The following TSTD2 variants were observed in gnomAD, a reference collection of about 807,000 sequenced individuals.
TSTD2 encodes the protein thiosulfate sulfurtransferase/rhodanese-like domain-containing protein 2.
A neutral mutation model predicts 47.9 loss-of-function variants in TSTD2; 37 were observed. The observed-to-expected ratio is 0.77, with a 90% CI of 0.59 to 1.02. TSTD2 has a LOEUF of 1.02. TSTD2 is among the 50% of genes least tolerant of loss of function. The probability of loss-of-function intolerance (pLI) is 0.00; values close to 1 mark genes in which losing one functional copy is unlikely to be tolerated. For synonymous variants in TSTD2, 201 were observed against 215.9 expected, an observed-to-expected ratio of 0.93 and a Z score of 0.61; for missense variants, 586 against 616.0, an observed-to-expected ratio of 0.95 and a Z score of 0.52.
chr9:97,610,269 C>T lies in TSTD2; in HGVS notation c.835+77G>A, dbSNP rs753800246. On this transcript the variant is annotated intron_variant, in intron 6 of 9. Coordinates refer to ENST00000341170, the MANE Select transcript of TSTD2 (RefSeq NM_139246.5). ...GAGGACTCATGACTGCTGCTGATCA[C>T]AGTGCCTAGCTTTCTTATTTGTCTA... 6.1e-6 allele frequency: 8 copies of T among 1,315,944 alleles called. No individual in the cohort carries two copies. In the Middle Eastern group the frequency reaches 5.6e-4, roughly 93 times the overall value. 81.5% of individuals were successfully genotyped at this position (1,315,944 alleles called of 1,614,324 possible).
chr9:97,631,185 C>T (rs780849565), intron 1 of TSTD2, among the ~76,000 whole-genome samples: 1 of 152,056 alleles, frequency 6.6e-6, no homozygotes, highest in Non-Finnish European at 1.5e-5. Context: ...GGGGTGATCT[C>T]GGCTCACTGC....
chr9:97,611,196 G>A lies in TSTD2; in HGVS notation c.729+378C>T, dbSNP rs73554626. ...TCACGTCCATATCTCAGCACTATAGGAGGCTGACGTGGGAGGACTGCTTGA... is the reference window on the plus strand; with the variant it reads ...TCACGTCCATATCTCAGCACTATAGAAGGCTGACGTGGGAGGACTGCTTGA... On this transcript the variant is annotated intron_variant, in intron 5 of 9. Transcript: ENST00000341170. The A allele has an allele frequency of 9.0e-3, 1,551 of 172,384 alleles. 25 individuals are homozygous for A. The highest frequency in any genetic ancestry group is 0.035 in the African/African-American group (1,483 of 42,242). The allele number at this position is 172,384 out of a possible 1,614,324, so 10.7% of individuals were successfully genotyped here. A position where few individuals can be genotyped will look rare whatever the true frequency, so the allele number is the denominator to read the frequency against.
At position 97,613,884 on chromosome 9, in the gene TSTD2, A is replaced by C. The variant is rs1826499460; in HGVS notation, c.604-2185T>G. 2.8e-5 allele frequency among the ~76,000 whole-genome samples: 4 copies of C among 143,818 alleles called. No homozygotes were observed. In the South Asian group the frequency reaches 8.6e-4, roughly 31 times the overall value. The allele number at this position is 143,818 out of a possible 152,430, so 94.4% of individuals were successfully genotyped here. A position where few individuals can be genotyped will look rare whatever the true frequency, so the allele number is the denominator to read the frequency against. On this transcript the variant is annotated intron_variant, in intron 4 of 9. Coordinates refer to ENST00000341170, the MANE Select transcript of TSTD2 (RefSeq NM_139246.5). Reference sequence around the variant, plus strand: ...CGCTGTGTCGCCCAGACTGCAGTGCAGTGGTGCAATCTCGGCTCACTGCAA... The same window carrying C: ...CGCTGTGTCGCCCAGACTGCAGTGCCGTGGTGCAATCTCGGCTCACTGCAA...
At chr9:97,611,875 CT>C (rs1236217423) in intron 4 of TSTD2, among the ~76,000 whole-genome samples, 176 bp from the exon 5 acceptor site, 1 of 152,170 alleles carries the variant, frequency 6.6e-6, no homozygotes, top group Non-Finnish European at 1.5e-5. Flanking sequence ...TTATTTTAAA[CT>C]TTTAAGTCCA....
In TSTD2 at chr9:97,617,622, A is replaced by G. The variant is rs1409836857; in HGVS notation, c.603+135T>C. The G allele has an allele frequency of 2.6e-6, 3 of 1,167,986 alleles. No homozygotes were observed. In the African/African-American group the frequency reaches 4.6e-5, roughly 18 times the overall value. The allele number at this position is 1,167,986 out of a possible 1,614,324, so 72.4% of individuals were successfully genotyped here. ...TTAATGGCTGCCTAATATTCTACTT[A>G]AATGCTCAGCAGAATTTCCCTAACT... On this transcript the variant is annotated intron_variant, in intron 4 of 9. Coordinates refer to ENST00000341170, the MANE Select transcript of TSTD2 (RefSeq NM_139246.5).
chr9:97,615,081 A>G (rs1826523173), intron 4 of TSTD2, among the ~76,000 whole-genome samples: 2 of 152,128 alleles, frequency 1.3e-5, no homozygotes, highest in Admixed American at 1.3e-4. Context: ...ATTCTTTTCT[A>G]ATTTATTTTA....
chr9:97,621,426 A>AG, intron 3 of TSTD2, among the ~76,000 whole-genome samples: 1 of 152,228 alleles, frequency 6.6e-6, no homozygotes, highest in South Asian at 2.1e-4. Context: ...AGCCATGTTC[A>AG]GGGCACAAGG....
chr9:97,604,730 ACAC>A lies in TSTD2; in HGVS notation c.1246_1248del (p.Val416del). On this transcript the variant is annotated inframe_deletion, in exon 9 of 10. Transcript: ENST00000341170. ...CTCTGAGCCTGTGCTGACCTACCTG[ACAC>A]CACATCACTGTTGTAGGACAGAGCA... 6.2e-7 allele frequency: 1 copy of A among 1,614,184 alleles called. No individual in the cohort carries two copies. Among genetic ancestry groups the A allele is most frequent in the Non-Finnish European group, 8.5e-7 (1 of 1,180,002 alleles).
At position 97,600,128 on chromosome 9, in the gene TSTD2, T is replaced by G; in HGVS notation, c.*2341A>C. ...CTTTATTACAAATTTGTCTTAGCTA[T>G]TAGCAAATAAAACTGATTATCATTC... On this transcript the variant is annotated 3_prime_UTR_variant, in exon 10 of 10. Transcript: ENST00000341170. 1.0e-6 allele frequency: 1 copy of G among 1,004,622 alleles called. No homozygotes were observed. The highest frequency in any genetic ancestry group is 1.2e-6 in the Non-Finnish European group (1 of 839,558). 62.2% of individuals were successfully genotyped at this position (1,004,622 alleles called of 1,614,324 possible).
chr9:97,604,463 G>A, intron 9 of TSTD2: 1 of 407,896 alleles, frequency 2.5e-6, no homozygotes, highest in Non-Finnish European at 4.4e-6. Flanking sequence ...CAGGCAGGCA[G>A]GGCAGGTGAG....
At chr9:97,616,929 G>T (rs1826552387) in intron 4 of TSTD2, among the ~76,000 whole-genome samples, 1 of 152,180 alleles carries the variant, frequency 6.6e-6, no homozygotes, top group African/African-American at 2.4e-5. Context: ...TGCACTTCTG[G>T]TTTTGTCATG....
In TSTD2 at chr9:97,600,956, CAAA is replaced by C. The variant is rs1564004271; in HGVS notation, c.*1510_*1512del. On this transcript the variant is annotated 3_prime_UTR_variant, in exon 10 of 10. Coordinates refer to ENST00000341170, the MANE Select transcript of TSTD2 (RefSeq NM_139246.5). ...GAGTTATTTTCATTAGTGATTTCAGCAAATCTCATGATAAAGGACAAGGTCAAG... is the reference window on the plus strand; with the variant it reads ...GAGTTATTTTCATTAGTGATTTCAGCTCTCATGATAAAGGACAAGGTCAAG... The C allele has an allele frequency of 8.8e-7, 1 of 1,138,628 alleles. No individual in the cohort carries two copies. The highest frequency in any genetic ancestry group is 1.1e-6 in the Non-Finnish European group (1 of 904,112). The allele number at this position is 1,138,628 out of a possible 1,614,324, so 70.5% of individuals were successfully genotyped here.
At chr9:97,603,318 G>T (rs1463160575) in intron 9 of TSTD2, among the ~76,000 whole-genome samples, 1 of 152,152 alleles carries the variant, frequency 6.6e-6, no homozygotes, top group African/African-American at 2.4e-5. Context: ...ATGACCTCCT[G>T]TTACTATTGA....
intron 3 of TSTD2, among the ~76,000 whole-genome samples, chr9:97,622,413 T>C (rs1826654511): frequency 6.6e-6 from 1 of 152,206 alleles, no homozygotes; most frequent in Admixed American, 6.5e-5. Flanking sequence ...AGGCAGAAGT[T>C]TGCTGCAGGG....
chr9:97,618,678 T>C (rs180851578), intron 3 of TSTD2, among the ~76,000 whole-genome samples: 180 of 152,268 alleles, frequency 1.2e-3, no homozygotes, highest in African/African-American at 4.1e-3. Flanking sequence ...TTAATACCCC[T>C]TTTTTCAATA....
intron 4 of TSTD2, among the ~76,000 whole-genome samples, chr9:97,616,560 A>C (rs1309128208): frequency 6.6e-6 from 1 of 152,182 alleles, no homozygotes; most frequent in Non-Finnish European, 1.5e-5. Flanking sequence ...GAACGGAATT[A>C]AGGAATATTT....
chr9:97,625,889 T>G lies in TSTD2; in HGVS notation c.274A>C (p.Ile92Leu), dbSNP rs1335214689. Reference protein sequence around the residue: ...CRQLFTDQTSIHRHVATQHAD... With the variant: ...CRQLFTDQTSLHRHVATQHAD... ...TGTTGTGTTGCCACATGTCTATGGA[T>G]GCTGGTTTGGTCTGTGAATAGCTGC... is the stretch of plus-strand genomic sequence containing the variant. The change falls in exon 3 of 10, where the codon ATC becomes CTC. Residue 92 changes from isoleucine to leucine, a missense_variant. Coordinates refer to ENST00000341170, the MANE Select transcript of TSTD2 (RefSeq NM_139246.5). 1 of 1,614,078 alleles carries G rather than the reference T, an allele frequency of 6.2e-7. No homozygotes were observed. The highest frequency in any genetic ancestry group is 1.7e-5 in the Admixed American group (1 of 60,004).
rs1015941627 is a variant in TSTD2, at chr9:97,600,405, T to C, written c.*2064A>G. On this transcript the variant is annotated 3_prime_UTR_variant, in exon 10 of 10. Transcript: ENST00000341170. ...GCAACAAACATGTCCCTGAGTGTTC[T>C]TTAAGAACATTTGGGATTTATGTAC... The C allele has an allele frequency of 8.1e-6, 8 of 985,718 alleles. No homozygotes were observed. The highest frequency in any genetic ancestry group is 1.2e-4 in the Admixed American group (2 of 16,300). The allele number at this position is 985,718 out of a possible 1,614,324, so 61.1% of individuals were successfully genotyped here.
At chr9:97,622,553 C>A (rs1826656978) in intron 3 of TSTD2, among the ~76,000 whole-genome samples, 1 of 152,228 alleles carries the variant, frequency 6.6e-6, no homozygotes, top group Non-Finnish European at 1.5e-5. Flanking sequence ...GTCCTCCAGA[C>A]CCCAGAATGG....
Sources: allele counts gnomAD v4.1 joint callset (sites outside exome capture counted in the v4.1 genomes callset), GRCh38; gene constraint gnomAD v4.1.1; transcripts MANE v1.5; gene names NCBI Gene and HGNC (gene_info 2026-07-23, HGNC 2026-07-21).